Variants in LOXHD1 observed in about 807,000 individuals in gnomAD.
The protein encoded by LOXHD1 is lipoxygenase homology domain-containing protein 1.
Under a neutral mutation model 248.2 loss-of-function variants are expected in LOXHD1, and 205 were observed. The observed-to-expected ratio is 0.83, with a 90% CI of 0.74 to 0.93. LOXHD1 has a LOEUF of 0.93. Among genes scored for constraint, LOXHD1 ranks in the 40% least tolerant of loss-of-function variants. The pLI, the probability that LOXHD1 is intolerant of heterozygous loss-of-function variation, is 0.00. For synonymous variants in LOXHD1, 1,113 were observed against 1,162.8 expected, an observed-to-expected ratio of 0.96 and a Z score of 0.87; for missense variants, 2,930 against 2,971.6, an observed-to-expected ratio of 0.99 and a Z score of 0.33.
intron 27 of LOXHD1, 149 bp from the exon 28 acceptor site, chr18:46,533,473 A>G (rs2036166796): frequency 1.3e-6 from 1 of 754,852 alleles, no homozygotes; most frequent in African/African-American, 1.8e-5. Context: ...CCCTTGCCCC[A>G]ATTTCAGTAG....
chr18:46,527,240 C>G (rs1213374162), intron 29 of LOXHD1, among the ~76,000 whole-genome samples: 1 of 152,114 alleles, frequency 6.6e-6, no homozygotes, highest in African/African-American at 2.4e-5. Context: ...TGAATGCCCA[C>G]TCTTTGCCAG....
Position 46,560,359 on chromosome 18 carries a change from T to C in LOXHD1, c.2785A>G (p.Lys929Glu), listed in dbSNP as rs767754770. 42 of 1,552,628 alleles carry C rather than the reference T, an allele frequency of 2.7e-5. No individual in the cohort carries two copies. The highest frequency in any genetic ancestry group is 3.5e-5 in the Non-Finnish European group (40 of 1,147,892). Reference protein sequence around the residue: ...EKDKLRQLLKKERLKAKLQRK... With the variant: ...EKDKLRQLLKEERLKAKLQRK... ...TGCAGCTTGGCCTTCAGCCGCTCCTTCTTGAGCAGCTGCCGCAGCTTGTCC... is the reference window on the plus strand; with the variant it reads ...TGCAGCTTGGCCTTCAGCCGCTCCTCCTTGAGCAGCTGCCGCAGCTTGTCC... The change falls in exon 19 of 41, where the codon AAG (lysine) becomes GAG (glutamate). Residue 929 changes from lysine (K) to glutamate (E), a missense_variant. Physicochemically the swap from Lys to Glu is moderately conservative, Grantham distance 56. Coordinates refer to ENST00000642948, the MANE Select transcript of LOXHD1 (RefSeq NM_001384474.1).
At chr18:46,567,058 A>G (rs145400027) in intron 16 of LOXHD1, among the ~76,000 whole-genome samples, 13 of 152,328 alleles carry the variant, frequency 8.5e-5, no homozygotes, top group African/African-American at 2.9e-4. Flanking sequence ...GCGATTTTGC[A>G]TTTTAACATC....
chr18:46,501,819 AT>A (rs2034250758), intron 37 of LOXHD1, among the ~76,000 whole-genome samples: 1 of 152,178 alleles, frequency 6.6e-6, no homozygotes, highest in Non-Finnish European at 1.5e-5. Flanking sequence ...AACTGAGGGG[AT>A]TGTTAGGCCT....
At position 46,563,172 on chromosome 18, in the gene LOXHD1, T is replaced by C. The variant is rs985314653; in HGVS notation, c.2491A>G (p.Ser831Gly). Residue 831 changes from serine to glycine, a missense_variant, in exon 18 of 41, where the codon AGT becomes GGT. Coordinates refer to ENST00000642948, the MANE Select transcript of LOXHD1 (RefSeq NM_001384474.1). ...WTGDVGGAGT[S>G]ARVYMQIYGE... ...TAGATCTGCATGTAGACTCGGGCAC[T>C]GGTGCCTGCGCCACCCACATCTCCT... is the stretch of plus-strand genomic sequence containing the variant. 3 of 1,530,252 alleles carry C rather than the reference T, an allele frequency of 2.0e-6. No homozygotes were observed. Among genetic ancestry groups the C allele is most frequent in the Non-Finnish European group, 2.7e-6 (3 of 1,129,038 alleles). 94.8% of individuals were successfully genotyped at this position (1,530,252 alleles called of 1,614,324 possible).
chr18:46,521,253 G>T lies in LOXHD1; in HGVS notation c.5115C>A (p.Ser1705Arg). 1 of 1,551,736 alleles carries T rather than the reference G, an allele frequency of 6.4e-7. No individual in the cohort carries two copies. The highest frequency in any genetic ancestry group is 8.7e-7 in the Non-Finnish European group (1 of 1,146,996). Reference protein sequence around the residue: ...ELGHDGASPESCWLVEELCLA... With the variant: ...ELGHDGASPERCWLVEELCLA... ...AACACAACTCTTCCACCAGCCAGCA[G>T]CTCTCAGGGGAGGCCCCGTCATGGC... Residue 1705 changes from serine to arginine, a missense_variant, in exon 33 of 41, where the codon AGC (serine) becomes AGA (arginine). Physicochemically the swap from Ser to Arg is moderately radical, Grantham distance 110. Coordinates refer to ENST00000642948, the MANE Select transcript of LOXHD1 (RefSeq NM_001384474.1).
intron 37 of LOXHD1, among the ~76,000 whole-genome samples, chr18:46,496,468 T>C (rs1285858205): frequency 6.6e-6 from 1 of 152,216 alleles, no homozygotes; most frequent in Non-Finnish European, 1.5e-5. Flanking sequence ...AAACAAAATA[T>C]ATTTTTCCTC....
intron 37 of LOXHD1, among the ~76,000 whole-genome samples, chr18:46,492,951 A>G (rs1042098417): frequency 2.0e-5 from 3 of 152,192 alleles, no homozygotes; most frequent in African/African-American, 4.8e-5. Flanking sequence ...TTTTAAAATG[A>G]TATATCAGAT....
Position 46,524,670 on chromosome 18 carries a change from T to G in LOXHD1, c.4740+38A>C, listed in dbSNP as rs145569974. 2.7e-3 allele frequency: 4,171 copies of G among 1,551,314 alleles called. 9 individuals are homozygous for G. Among genetic ancestry groups the G allele is most frequent in the Middle Eastern group, 3.5e-3 (21 of 5,988 alleles). ...CACCTCGAGGGACCTCCCCTAGGCA[T>G]GAGGATGGCCACAGGCCCTATATAC... is the stretch of plus-strand genomic sequence containing the variant. On this transcript the variant is annotated intron_variant, in intron 30 of 40. Coordinates refer to ENST00000642948, the MANE Select transcript of LOXHD1 (RefSeq NM_001384474.1).
At chr18:46,521,685 T>C (rs1056761012) in intron 32 of LOXHD1, among the ~76,000 whole-genome samples, 2 of 152,032 alleles carry the variant, frequency 1.3e-5, no homozygotes, top group Non-Finnish European at 2.9e-5. Flanking sequence ...ACCAGTGAGC[T>C]TGGAAGATGA....
chr18:46,649,273 G>C lies in LOXHD1; in HGVS notation c.131-4C>G. ...GTGGCTGTGACCACTTCATACACTG[G>C]AGGAGGAGAGGAGGAGACAGATTGC... is the stretch of plus-strand genomic sequence containing the variant. On this transcript the variant is annotated splice_region_variant and splice_polypyrimidine_tract_variant and intron_variant, in intron 1 of 40. Transcript: ENST00000642948. 1 of 1,546,456 alleles carries C rather than the reference G, an allele frequency of 6.5e-7. No homozygotes were observed. The highest frequency in any genetic ancestry group is 8.8e-7 in the Non-Finnish European group (1 of 1,142,256).
chr18:46,491,441 G>A (rs2033467988), intron 37 of LOXHD1, among the ~76,000 whole-genome samples: 1 of 152,212 alleles, frequency 6.6e-6, no homozygotes, highest in Non-Finnish European at 1.5e-5. Context: ...TCCCAGGCGA[G>A]GTCAACGCTG....
chr18:46,561,502 C>T (rs1050395679), intron 18 of LOXHD1, among the ~76,000 whole-genome samples: 1 of 152,154 alleles, frequency 6.6e-6, no homozygotes, highest in African/African-American at 2.4e-5. Context: ...AGTCAGAGTC[C>T]TCCCAAGCTT....
In LOXHD1 at chr18:46,546,908, G is replaced by T. The variant is rs1332131829; in HGVS notation, c.3501C>A (p.Ala1167=). ...GGDNNPLDNL[A]LEQKDKSTTF... is the part of the protein sequence containing the mutation. ...AGTTTAGAAAACCTTTCTGCTCCAG[G>T]GCCAGGTTGTCGAGGGGGTTGTTGT... Residue 1167 remains alanine (A), a synonymous_variant, in exon 22 of 41, where the codon GCC becomes GCA. Coordinates refer to ENST00000642948, the MANE Select transcript of LOXHD1 (RefSeq NM_001384474.1). 1.9e-6 allele frequency: 3 copies of T among 1,550,718 alleles called. No homozygotes were observed. The East Asian group carries it at 7.3e-5, about 38-fold the overall frequency.
intron 29 of LOXHD1, 139 bp downstream of exon 29, chr18:46,529,038 G>T: frequency 9.6e-7 from 1 of 1,037,846 alleles, no homozygotes; most frequent in Non-Finnish European, 1.4e-6. Context: ...CAAGGGAAGG[G>T]CAAGGGCAGA....
At chr18:46,591,795 C>A (rs1437400379) in intron 12 of LOXHD1, 138 bp downstream of exon 12, 16 of 1,056,452 alleles carry the variant, frequency 1.5e-5, no homozygotes, top group South Asian at 1.3e-4. Flanking sequence ...GAGGCAGGGA[C>A]CTTCCAAATC....
chr18:46,579,731 C>A lies in LOXHD1; in HGVS notation c.1708G>T (p.Asp570Tyr), dbSNP rs140437150. Residue 570 changes from aspartate (D) to tyrosine (Y), a missense_variant, in exon 13 of 41, where the codon GAT becomes TAT. Transcript: ENST00000642948. The part of the protein sequence containing the change: ...CTGELEGAGT[D>Y]ANVYLCLFGD... The stretch of plus-strand genomic sequence containing the variant: ...AAAAGGCAGAGATAGACGTTGGCAT[C>A]GGTCCCAGCACCTTCAAGTTCACCT... 1 of 1,551,798 alleles carries A rather than the reference C, an allele frequency of 6.4e-7. No individual in the cohort carries two copies. The highest frequency in any genetic ancestry group is 8.7e-7 in the Non-Finnish European group (1 of 1,147,016).
chr18:46,610,398 C>T (rs1429631835), intron 6 of LOXHD1, among the ~76,000 whole-genome samples: 4 of 47,108 alleles, frequency 8.5e-5, no homozygotes, highest in South Asian at 7.6e-4. Flanking sequence ...CGGGGCCTGT[C>T]GGGGGCTGGG....
chr18:46,542,955 T>C (rs1164276926), intron 23 of LOXHD1, 100 bp from the exon 24 acceptor site: 2 of 1,484,624 alleles, frequency 1.3e-6, no homozygotes, highest in African/African-American at 1.4e-5. Flanking sequence ...ACCAAATTTC[T>C]GAACTTCCAC....
Sources: allele counts gnomAD v4.1 joint callset (sites outside exome capture counted in the v4.1 genomes callset), GRCh38; gene constraint gnomAD v4.1.1; transcripts MANE v1.5; gene names NCBI Gene and HGNC (gene_info 2026-07-23, HGNC 2026-07-21).